Variants in ARHGEF4 observed in about 807,000 individuals in gnomAD.
ARHGEF4 encodes the protein APC-stimulated guanine nucleotide exchange factor 1.
A neutral mutation model predicts 162.0 loss-of-function variants in ARHGEF4; 119 were observed. The observed-to-expected ratio is 0.73, with a 90% CI of 0.63 to 0.86. The LOEUF (loss-of-function observed/expected upper bound fraction) is 0.86. ARHGEF4 is among the 40% of genes least tolerant of loss of function. The pLI is 0.00. For missense variants in ARHGEF4, 2,488 were observed against 2,456.0 expected (o/e 1.01, Z -0.28); for synonymous variants, 1,014 against 979.9 (o/e 1.03, Z -0.65).
Position 131,040,316 on chromosome 2 carries a change from G to A in ARHGEF4, c.4538G>A (p.Arg1513His), listed in dbSNP as rs554015620. 6.8e-6 allele frequency: 11 copies of A among 1,612,852 alleles called. No homozygotes were observed. The East Asian group carries it at 2.0e-4, about 29-fold the overall frequency. The change falls in exon 8 of 14, where the codon CGT (arginine) becomes CAT (histidine). Residue 1513 changes from arginine (R) to histidine (H), a missense_variant. Physicochemically the swap from Arg to His is conservative, Grantham distance 29. Coordinates refer to ENST00000409359, the MANE Select transcript of ARHGEF4 (RefSeq NM_001367493.1). Reference sequence around the variant, plus strand: ...GACATGTTCAGCGAGGAGCAGCTGCGTACCATCTTCGGGAACATCGAGGAC... The same window carrying A: ...GACATGTTCAGCGAGGAGCAGCTGCATACCATCTTCGGGAACATCGAGGAC... ...RADMFSEEQLRTIFGNIEDIY... is the reference protein window; with the variant it reads ...RADMFSEEQLHTIFGNIEDIY...
intron 10 of ARHGEF4, among the ~76,000 whole-genome samples, chr2:131,042,224 G>GTGTTCCTCAGCTGTGTTC (rs1411813879): frequency 6.6e-6 from 1 of 152,210 alleles, no homozygotes; most frequent in Non-Finnish European, 1.5e-5. Context: ...CAGAGGAAGT[G>GTGTTCCTCAGCTGTGTTC]TGTTCCTCAG....
chr2:130,890,560 T>TA (rs1182979069), intron 1 of ARHGEF4, among the ~76,000 whole-genome samples: 6,435 of 137,602 alleles, frequency 0.047, 462 homozygotes, highest in African/African-American at 0.16. Context: ...AGACTCCGTT[T>TA]AAAAAAAAAA....
At chr2:131,039,717 C>T (rs1573698632) in intron 6 of ARHGEF4, 2 of 1,299,046 alleles carry the variant, frequency 1.5e-6, no homozygotes, top group East Asian at 3.5e-5. Context: ...GGAGCAGGCA[C>T]TGGTTCAGGA....
At chr2:131,036,889 C>G (rs1690328403) in intron 5 of ARHGEF4, among the ~76,000 whole-genome samples, 2 of 152,198 alleles carry the variant, frequency 1.3e-5, no homozygotes. Flanking sequence ...TTCCCTGGAG[C>G]CTCATTCTTC....
rs541497649 is a variant in ARHGEF4 at position 130,855,066 on chromosome 2, G to C, written c.39+18074G>C. ...TTTTTTTTTTTGTATTTTTAGTAGA[G>C]ACGGGGTTTCACCATTCATAGGATG... On this transcript the variant is annotated intron_variant, in intron 1 of 13. Transcript: ENST00000409359. Among the ~76,000 whole-genome samples the C allele has an allele frequency of 4.7e-4, 72 of 151,608 alleles. 1 individual carries two copies. In the South Asian group the frequency reaches 0.015, roughly 31 times the overall value.
At chr2:131,015,127 C>T (rs1351800160) in intron 4 of ARHGEF4, among the ~76,000 whole-genome samples, 1 of 152,144 alleles carries the variant, frequency 6.6e-6, no homozygotes, top group Non-Finnish European at 1.5e-5. Context: ...ATTTTCCCCC[C>T]ACCAGGAAGA....
chr2:131,041,230 C>G lies in ARHGEF4; in HGVS notation c.4663C>G (p.Gln1555Glu), dbSNP rs763205770. The G allele has an allele frequency of 6.2e-7, 1 of 1,612,480 alleles. No homozygotes were observed. Among genetic ancestry groups the G allele is most frequent in the Non-Finnish European group, 8.5e-7 (1 of 1,179,358 alleles). ...SELGACFLEH[Q>E]ADFQIYSEYC... ...GCTAACCTCCAGCTGTGCCCCTTAG[C>G]AAGCCGACTTCCAGATCTACTCGGA... The change falls in exon 9 of 14, where the codon CAA (glutamine) becomes GAA (glutamate). Residue 1555 changes from glutamine to glutamate, a missense_variant and splice_region_variant. Coordinates refer to ENST00000409359, the MANE Select transcript of ARHGEF4 (RefSeq NM_001367493.1).
chr2:130,972,921 T>C (rs1437278294), intron 4 of ARHGEF4, among the ~76,000 whole-genome samples: 3 of 152,232 alleles, frequency 2.0e-5, no homozygotes, highest in Admixed American at 2.0e-4. Flanking sequence ...CACCTAACTA[T>C]AGAAATGGAT....
At chr2:131,022,978 A>C (rs953243121) in intron 4 of ARHGEF4, among the ~76,000 whole-genome samples, 8 of 145,124 alleles carry the variant, frequency 5.5e-5, no homozygotes, top group Non-Finnish European at 9.0e-5. Context: ...GTGGTAGCAC[A>C]AGCCTGTGAT....
intron 1 of ARHGEF4, among the ~76,000 whole-genome samples, chr2:130,884,016 A>T (rs568370829): frequency 6.6e-6 from 1 of 152,256 alleles, no homozygotes; most frequent in South Asian, 2.1e-4. Context: ...CATCACCAAC[A>T]TCATCGTCAA....
chr2:130,977,607 T>C (rs1038038898), intron 4 of ARHGEF4, among the ~76,000 whole-genome samples: 2 of 152,012 alleles, frequency 1.3e-5, no homozygotes, highest in Non-Finnish European at 2.9e-5. Flanking sequence ...GCATATGCGT[T>C]GCATATGTAT....
In ARHGEF4 at chr2:130,906,541, C is replaced by A. The variant is rs956071303; in HGVS notation, c.40-7445C>A. The stretch of plus-strand genomic sequence containing the variant: ...AGCCTTAAGCTTTTGTTTGTAACTT[C>A]TTTTTCTGATGGTAAGAAACCTGGT... On this transcript the variant is annotated intron_variant, in intron 1 of 13. Coordinates refer to ENST00000409359, the MANE Select transcript of ARHGEF4 (RefSeq NM_001367493.1). Among the ~76,000 whole-genome samples the A allele has an allele frequency of 2.0e-5, 3 of 152,178 alleles. 1 individual carries two copies. The South Asian group carries it at 6.2e-4, about 31-fold the overall frequency.
At chr2:130,912,522 C>T (rs1433604431) in intron 1 of ARHGEF4, among the ~76,000 whole-genome samples, 1 of 152,216 alleles carries the variant, frequency 6.6e-6, no homozygotes. Flanking sequence ...TTCCTTCTCT[C>T]AGTTAAGAAT....
At chr2:131,034,883 G>GCCGCCGCCC (rs1690123528) in intron 5 of ARHGEF4, 1 of 744,034 alleles carries the variant, frequency 1.3e-6, no homozygotes, top group Non-Finnish European at 1.6e-6. Context: ...GCCCGCCGCC[G>GCCGCCGCCC]CCGCCGCCCC....
chr2:131,034,874 C>CCCG (rs1049221508), intron 5 of ARHGEF4: 136 of 635,270 alleles, frequency 2.1e-4, no homozygotes, highest in South Asian at 1.0e-3. Context: ...GCCTCTCCAG[C>CCCG]CCGCCGCCGC....
intron 4 of ARHGEF4, among the ~76,000 whole-genome samples, chr2:130,988,895 TATATATAGAGAGAG>T (rs1382553253): frequency 0.028 from 3,094 of 108,684 alleles, 25 homozygotes; most frequent in Non-Finnish European, 0.032. Flanking sequence ...TATATATATA[TATATATAGAGAGAG>T]AGAGAGAGAG....
Position 130,888,916 on chromosome 2 carries a change from C to T in ARHGEF4, c.40-25070C>T, listed in dbSNP as rs188951573. Among the ~76,000 whole-genome samples the T allele has an allele frequency of 4.0e-3, 606 of 151,920 alleles. 2 individuals carry two copies. The highest frequency in any genetic ancestry group is 0.013 in the African/African-American group (541 of 41,288). ...AGGAGCTCGAGAGCAGCCTGGCCAA[C>T]ATGGTGAAACCCCGTCTCTACTAAA... On this transcript the variant is annotated intron_variant, in intron 1 of 13. Transcript: ENST00000409359.
At chr2:130,947,775 G>A (rs1203105208) in intron 4 of ARHGEF4, among the ~76,000 whole-genome samples, 2 of 152,324 alleles carry the variant, frequency 1.3e-5, no homozygotes, top group East Asian at 3.9e-4. Flanking sequence ...AGCAGGGCTG[G>A]ACACGCTAAG....
chr2:130,841,758 G>T (rs1203522081), intron 1 of ARHGEF4, among the ~76,000 whole-genome samples: 1 of 152,196 alleles, frequency 6.6e-6, no homozygotes, highest in East Asian at 1.9e-4. Context: ...TGTTGTACAG[G>T]TTGCTCTTGA....
Sources: allele counts gnomAD v4.1 joint callset (sites outside exome capture counted in the v4.1 genomes callset), GRCh38; gene constraint gnomAD v4.1.1; transcripts MANE v1.5; gene names NCBI Gene and HGNC (gene_info 2026-07-23, HGNC 2026-07-21).